DPYD: variants seen among roughly 807,000 people sequenced by gnomAD.
DPYD encodes the protein dihydropyrimidine dehydrogenase, also known as dihydropyrimidine dehydrogenase [NADP(+)].
Under a neutral mutation model 116.2 loss-of-function variants are expected in DPYD, and 109 were observed. The observed-to-expected ratio is 0.94, with a 90% CI of 0.80 to 1.10. The LOEUF is 1.10. Among genes scored for constraint, DPYD ranks in the 50% least tolerant of loss-of-function variants. The pLI, the probability that DPYD is intolerant of heterozygous loss-of-function variation, is 0.00. For missense variants in DPYD, 1,302 were observed against 1,254.5 expected (o/e 1.04, Z -0.57); for synonymous variants, 440 against 432.0 (o/e 1.02, Z -0.23).
In DPYD at chr1:97,077,995, TATCTA is replaced by T. The variant is rs1459128339; in HGVS notation, c.*976_*980del. On this transcript the variant is annotated 3_prime_UTR_variant, in exon 23 of 23. Coordinates refer to ENST00000370192, the MANE Select transcript of DPYD (RefSeq NM_000110.4). ...TGAAAATAGAGAAATACAAAAATAT[TATCTA>T]ATAATAACAAAAAATATATTTCTTT... The T allele has an allele frequency of 6.6e-6, 1 of 152,118 alleles. No individual in the cohort carries two copies. The allele number at this position is 152,118 out of a possible 1,614,324, so 9.4% of individuals were successfully genotyped here.
chr1:97,359,615 C>A lies in DPYD; in HGVS notation c.2058+13946G>T, dbSNP rs558806502. 7.2e-5 allele frequency among the ~76,000 whole-genome samples: 11 copies of A among 152,284 alleles called. No homozygotes were observed. The East Asian group carries it at 2.1e-3, about 29-fold the overall frequency. On this transcript the variant is annotated intron_variant, in intron 16 of 22. Transcript: ENST00000370192. The stretch of plus-strand genomic sequence containing the variant: ...ATCAGACTAACAGTGGATCTCTCAG[C>A]AGAAACTCTACAAGCCAGAAGAGAG...
At chr1:97,294,039 G>T (rs1666374198) in intron 18 of DPYD, among the ~76,000 whole-genome samples, 1 of 152,154 alleles carries the variant, frequency 6.6e-6, no homozygotes, top group South Asian at 2.1e-4. Context: ...TGTCTACTAT[G>T]TCCCTGAAAC....
At chr1:97,227,510 A>G (rs1661271578) in intron 19 of DPYD, among the ~76,000 whole-genome samples, 1 of 152,000 alleles carries the variant, frequency 6.6e-6, no homozygotes, top group African/African-American at 2.4e-5. Flanking sequence ...AAAATAGCTC[A>G]CATAACCTAT....
In DPYD at chr1:97,785,179, C is replaced by A. The variant is rs186447011; in HGVS notation, c.233+42935G>T. On this transcript the variant is annotated intron_variant, in intron 3 of 22. Transcript: ENST00000370192. ...ATAGCAGCATAGCAAAATATACTTGCATTTTGTATAAGCTTCAAACACCAC... is the reference window on the plus strand; with the variant it reads ...ATAGCAGCATAGCAAAATATACTTGAATTTTGTATAAGCTTCAAACACCAC... Among the ~76,000 whole-genome samples, 461 of 152,196 alleles carry A rather than the reference C, an allele frequency of 3.0e-3. 1 individual carries two copies. Among genetic ancestry groups the A allele is most frequent in the African/African-American group, 0.01 (434 of 41,552 alleles).
chr1:97,710,043 AAGTG>A (rs1662197665), intron 5 of DPYD, among the ~76,000 whole-genome samples: 1 of 151,832 alleles, frequency 6.6e-6, no homozygotes, highest in Admixed American at 6.6e-5. Context: ...ATACTCTTGC[AAGTG>A]TTTACCTTGA....
intron 18 of DPYD, among the ~76,000 whole-genome samples, chr1:97,243,647 T>C (rs1219772640): frequency 6.6e-6 from 1 of 151,844 alleles, no homozygotes; most frequent in Non-Finnish European, 1.5e-5. Context: ...AGATATATTA[T>C]CCAGGTATGA....
At chr1:97,618,621 T>C (rs1656445005) in intron 8 of DPYD, among the ~76,000 whole-genome samples, 2 of 152,170 alleles carry the variant, frequency 1.3e-5, no homozygotes, top group East Asian at 3.9e-4. Context: ...AGACCAGTAA[T>C]AACCAGTTCA....
rs544924038 is a variant in DPYD, at chr1:97,838,732, G to C, written c.151-10536C>G. Among the ~76,000 whole-genome samples, 127 of 152,082 alleles carry C rather than the reference G, an allele frequency of 8.4e-4. No homozygotes were observed. In the South Asian group the frequency reaches 0.012, roughly 15 times the overall value. On this transcript the variant is annotated intron_variant, in intron 2 of 22. Transcript: ENST00000370192. ...CGGTGGCGGGCGCCTGTAGTCCCAG[G>C]TACTTGGGAGGCTGAGGCAGGAGAA...
intron 14 of DPYD, among the ~76,000 whole-genome samples, chr1:97,400,640 C>G (rs1673316590): frequency 6.6e-6 from 1 of 152,084 alleles, no homozygotes; most frequent in African/African-American, 2.4e-5. Flanking sequence ...TGTTAATGGT[C>G]TATTCAGAGA....
At chr1:97,306,635 C>G (rs776944564) in intron 16 of DPYD, among the ~76,000 whole-genome samples, 4 of 151,802 alleles carry the variant, frequency 2.6e-5, no homozygotes, top group Non-Finnish European at 5.9e-5. Context: ...ATGTTAAGTA[C>G]AAGAAACATT....
intron 14 of DPYD, among the ~76,000 whole-genome samples, chr1:97,405,070 T>TA (rs1363646671): frequency 6.6e-6 from 1 of 151,924 alleles, no homozygotes; most frequent in African/African-American, 2.4e-5. Flanking sequence ...CATCTTATAA[T>TA]AAAAAAATCA....
At chr1:97,841,597 C>T (rs1378263887) in intron 2 of DPYD, among the ~76,000 whole-genome samples, 1 of 151,942 alleles carries the variant, frequency 6.6e-6, no homozygotes. Flanking sequence ...ATGATAATCG[C>T]CTCATTGCTG....
At chr1:97,118,986 G>A (rs573752106) in intron 20 of DPYD, among the ~76,000 whole-genome samples, 2 of 152,142 alleles carry the variant, frequency 1.3e-5, no homozygotes, top group South Asian at 4.2e-4. Flanking sequence ...TAGTGACAAC[G>A]GGAGAAAATC....
At chr1:97,499,995 A>G (rs1236093713) in intron 13 of DPYD, among the ~76,000 whole-genome samples, 2 of 151,922 alleles carry the variant, frequency 1.3e-5, no homozygotes, top group African/African-American at 4.8e-5. Flanking sequence ...ATGTGTATGT[A>G]CCTAACATCA....
At chr1:97,291,935 T>G (rs2100988300) in intron 18 of DPYD, among the ~76,000 whole-genome samples, 1 of 152,316 alleles carries the variant, frequency 6.6e-6, no homozygotes, top group Middle Eastern at 3.4e-3. Flanking sequence ...CTACCAAAGA[T>G]ATATATTTTT....
chr1:97,608,683 A>G (rs1655751385), intron 8 of DPYD, among the ~76,000 whole-genome samples: 3 of 151,626 alleles, frequency 2.0e-5, no homozygotes, highest in African/African-American at 7.3e-5. Context: ...AGATATGAGA[A>G]ATTTAATAAT....
intron 3 of DPYD, among the ~76,000 whole-genome samples, chr1:97,786,803 A>T (rs981769838): frequency 2.6e-5 from 4 of 152,256 alleles, no homozygotes; most frequent in Non-Finnish European, 4.4e-5. Context: ...ACCTAAAAAT[A>T]GCAAAAATTT....
chr1:97,879,694 T>A (rs1187683493), intron 2 of DPYD, among the ~76,000 whole-genome samples: 1 of 151,946 alleles, frequency 6.6e-6, no homozygotes, highest in Admixed American at 6.6e-5. Context: ...ATTTCAGAAC[T>A]GCCATTCTTA....
chr1:97,168,399 CA>C (rs1357631713), intron 20 of DPYD, among the ~76,000 whole-genome samples: 1 of 152,148 alleles, frequency 6.6e-6, no homozygotes. Context: ...GTTTTATCAT[CA>C]GTTAAAGCAC....
Sources: gnomAD v4.1 joint callset for allele counts (sites outside exome capture counted in the v4.1 genomes callset) on GRCh38, gnomAD v4.1.1 for gene constraint, MANE v1.5 for transcripts, NCBI Gene and HGNC (gene_info 2026-07-23, HGNC 2026-07-21) for gene names.